Variants in FEZ2 observed in about 807,000 individuals in gnomAD.
The protein encoded by FEZ2 is fasciculation and elongation protein zeta 2.
A neutral mutation model predicts 40.4 loss-of-function variants in FEZ2; 51 were observed. The ratio of observed to expected loss-of-function variants is 1.26; its 90% CI spans 1.01 to 1.59. The LOEUF (loss-of-function observed/expected upper bound fraction) is 1.59. Ranked by LOEUF, FEZ2 falls within the 40% of genes most tolerant of loss-of-function variation. The probability of loss-of-function intolerance (pLI) is 0.00; values close to 1 mark genes in which losing one functional copy is unlikely to be tolerated. For synonymous variants in FEZ2, 242 were observed against 172.0 expected, an observed-to-expected ratio of 1.41 and a Z score of -3.18; for missense variants, 640 against 438.3, an observed-to-expected ratio of 1.46 and a Z score of -4.11.
In FEZ2 at chr2:36,552,444, A is replaced by G. The variant is rs1441718715; in HGVS notation, c.*719T>C. On this transcript the variant is annotated 3_prime_UTR_variant, in exon 8 of 8. Transcript: ENST00000405912. ...TTCTGCAGTGTACACTTTCTCAAGC[A>G]CCTCAGAGGACACACACTTAAAGTA... 6 of 314,152 alleles carry G rather than the reference A, an allele frequency of 1.9e-5. No individual in the cohort carries two copies. The highest frequency in any genetic ancestry group is 3.6e-5 in the Non-Finnish European group (6 of 164,726). The allele number at this position is 314,152 out of a possible 1,614,324, so 19.5% of individuals were successfully genotyped here. A position where few individuals can be genotyped will look rare whatever the true frequency, so the allele number is the denominator to read the frequency against.
intron 5 of FEZ2, chr2:36,559,191 T>C (rs538160512): frequency 1.3e-5 from 2 of 152,294 alleles, no homozygotes; most frequent in South Asian, 4.1e-4. Flanking sequence ...ATGTCTGAAA[T>C]TGAGATAAAC....
At chr2:36,563,766 G>A (rs891605562) in intron 5 of FEZ2, among the ~76,000 whole-genome samples, 1 of 152,078 alleles carries the variant, frequency 6.6e-6, no homozygotes, top group African/African-American at 2.4e-5. Context: ...ATTTGATCTG[G>A]AAGACCACGG....
In FEZ2 at chr2:36,552,610, C is replaced by A; in HGVS notation, c.*553G>T. The A allele has an allele frequency of 4.1e-6, 1 of 241,452 alleles. No individual in the cohort carries two copies. Among genetic ancestry groups the A allele is most frequent in the South Asian group, 5.0e-5 (1 of 19,878 alleles). 15.0% of individuals were successfully genotyped at this position (241,452 alleles called of 1,614,324 possible). A position where few individuals can be genotyped will look rare whatever the true frequency, so the allele number is the denominator to read the frequency against. On this transcript the variant is annotated 3_prime_UTR_variant, in exon 8 of 8. Transcript: ENST00000405912. Reference sequence around the variant, plus strand: ...AAGCTACAAAATCCATCACCACCAACAGTTTCAATGTTAGCACTAAGTATT... The same window carrying A: ...AAGCTACAAAATCCATCACCACCAAAAGTTTCAATGTTAGCACTAAGTATT...
intron 2 of FEZ2, chr2:36,590,066 T>C (rs1404278068): frequency 1.3e-5 from 2 of 152,228 alleles, no homozygotes; most frequent in Non-Finnish European, 2.9e-5. Flanking sequence ...TCTGCCTCCC[T>C]ACCTGTCCCA....
chr2:36,593,001 T>C (rs181559442), intron 1 of FEZ2, among the ~76,000 whole-genome samples: 3 of 152,274 alleles, frequency 2.0e-5, no homozygotes, highest in Admixed American at 1.3e-4. Flanking sequence ...GTCTGTGGAC[T>C]ACTAAATTTG....
At chr2:36,572,041 A>T (rs1021110178) in intron 5 of FEZ2, among the ~76,000 whole-genome samples, 1 of 137,460 alleles carries the variant, frequency 7.3e-6, no homozygotes, top group Non-Finnish European at 1.6e-5. Flanking sequence ...AAAAAAAAAA[A>T]AAAGATAAAG....
intron 7 of FEZ2, chr2:36,554,116 T>C: frequency 2.3e-6 from 1 of 429,368 alleles, no homozygotes; most frequent in African/African-American, 2.1e-5. Flanking sequence ...CCACAACACA[T>C]GCACACAGAC....
intron 5 of FEZ2, among the ~76,000 whole-genome samples, chr2:36,570,457 A>C (rs1668376128): frequency 6.6e-6 from 1 of 152,190 alleles, no homozygotes; most frequent in African/African-American, 2.4e-5. Context: ...AATTATTGCC[A>C]AATATTTTCA....
chr2:36,554,333 C>G (rs1341240952), intron 7 of FEZ2: 2 of 470,912 alleles, frequency 4.2e-6, no homozygotes, highest in South Asian at 3.1e-5. Context: ...TCATAACATC[C>G]TTCCATGCAG....
At chr2:36,572,260 G>T (rs1010916939) in intron 5 of FEZ2, among the ~76,000 whole-genome samples, 1 of 152,146 alleles carries the variant, frequency 6.6e-6, no homozygotes, top group Non-Finnish European at 1.5e-5. Context: ...GCTGCCACAC[G>T]TAGCTTGGAG....
intron 1 of FEZ2, among the ~76,000 whole-genome samples, chr2:36,596,510 G>A (rs1409431988): frequency 6.6e-6 from 1 of 152,190 alleles, no homozygotes; most frequent in East Asian, 1.9e-4. Context: ...AGGCTGGAGT[G>A]CAGTTGTGCG....
intron 5 of FEZ2, among the ~76,000 whole-genome samples, chr2:36,571,994 G>T (rs191648171): frequency 2.1e-5 from 3 of 143,660 alleles, no homozygotes; most frequent in Non-Finnish European, 4.5e-5. Flanking sequence ...CAGCATGAGC[G>T]GCTGAGTGAG....
chr2:36,567,630 C>T (rs1379746726), intron 5 of FEZ2, among the ~76,000 whole-genome samples: 1 of 151,958 alleles, frequency 6.6e-6, no homozygotes, highest in Non-Finnish European at 1.5e-5. Context: ...GACGTGGTGG[C>T]GGGTGCCTGT....
chr2:36,582,160 G>C (rs1668768163), intron 3 of FEZ2, among the ~76,000 whole-genome samples: 1 of 151,312 alleles, frequency 6.6e-6, no homozygotes, highest in Non-Finnish European at 1.5e-5. Context: ...GAAGGATATA[G>C]AACTCAGCGA....
At position 36,582,030 on chromosome 2, in the gene FEZ2, C is replaced by T. The variant is rs191035169; in HGVS notation, c.493-599G>A. The stretch of plus-strand genomic sequence containing the variant: ...AAGTAGAAGTCCAAAGAGAAAAATG[C>T]TGTGAAAAGCAGAAAAACTTCAGAA... On this transcript the variant is annotated intron_variant, in intron 3 of 7. Transcript: ENST00000405912. Among the ~76,000 whole-genome samples, 43 of 152,062 alleles carry T rather than the reference C, an allele frequency of 2.8e-4. 2 individuals are homozygous for T. Among genetic ancestry groups the T allele is most frequent in the African/African-American group, 9.9e-4 (41 of 41,482 alleles).
At position 36,568,419 on chromosome 2, in the gene FEZ2, C is replaced by T. The variant is rs936161849; in HGVS notation, c.904-9906G>A. On this transcript the variant is annotated intron_variant, in intron 5 of 7. Transcript: ENST00000405912. The stretch of plus-strand genomic sequence containing the variant: ...AGTTTAATTTAAATAACTGCAATAA[C>T]GCAGTATATCAGAAAACCCAATCCT... Among the ~76,000 whole-genome samples the T allele has an allele frequency of 2.6e-5, 4 of 152,078 alleles. No homozygotes were observed. In the East Asian group the frequency reaches 5.8e-4, roughly 22 times the overall value.
intron 5 of FEZ2, among the ~76,000 whole-genome samples, chr2:36,574,053 T>C (rs997042207): frequency 1.3e-5 from 2 of 152,116 alleles, no homozygotes; most frequent in East Asian, 3.9e-4. Context: ...AATGGTAACT[T>C]TGGTTTAATA....
intron 7 of FEZ2, among the ~76,000 whole-genome samples, chr2:36,553,493 G>A (rs1043769675): frequency 2.6e-5 from 4 of 152,106 alleles, no homozygotes; most frequent in African/African-American, 7.2e-5. Flanking sequence ...GATCCCTAGG[G>A]AAGTCAAAGA....
intron 5 of FEZ2, chr2:36,558,825 G>C (rs1014522904): frequency 5.2e-6 from 1 of 192,428 alleles, no homozygotes; most frequent in African/African-American, 2.3e-5. Flanking sequence ...TTTTTAAAGT[G>C]AAGTATTATC....
Sources: allele counts gnomAD v4.1 joint callset (sites outside exome capture counted in the v4.1 genomes callset), GRCh38; gene constraint gnomAD v4.1.1; transcripts MANE v1.5; gene names NCBI Gene and HGNC (gene_info 2026-07-23, HGNC 2026-07-21).